AMZ1: variants seen among roughly 807,000 people sequenced by gnomAD.
AMZ1 encodes archaemetzincin-1.
Under a neutral mutation model 29.9 loss-of-function variants are expected in AMZ1, and 39 were observed. The ratio of observed to expected loss-of-function variants is 1.30; its 90% CI spans 1.01 to 1.70. The LOEUF (loss-of-function observed/expected upper bound fraction) is 1.70. Among genes scored for constraint, AMZ1 ranks in the 40% most tolerant of loss-of-function variants. The pLI is 0.00. For missense variants in AMZ1, 1,041 were observed against 680.6 expected, an observed-to-expected ratio of 1.53 and a Z score of -5.89; for synonymous variants, 458 against 304.0, an observed-to-expected ratio of 1.51 and a Z score of -5.27.
rs1055624930 is a variant in AMZ1 at position 2,691,500 on chromosome 7, C to T, written c.-219+3204C>T. Among the ~76,000 whole-genome samples, 5 of 148,054 alleles carry T rather than the reference C, an allele frequency of 3.4e-5. 1 individual carries two copies. Among genetic ancestry groups the T allele is most frequent in the African/African-American group, 1.1e-4 (4 of 38,014 alleles). ...GCTCACACATATAATCCCAGCACTT[C>T]GGGAGGCCGAGGCGGGTGGATCACA... On this transcript the variant is annotated intron_variant, in intron 1 of 6. Coordinates refer to ENST00000683327, the MANE Select transcript of AMZ1 (RefSeq NM_001384743.1).
intron 4 of AMZ1, 95 bp downstream of exon 4, chr7:2,708,811 A>C (rs1562371641): frequency 1.1e-5 from 17 of 1,575,518 alleles, no homozygotes; most frequent in Non-Finnish European, 1.4e-5. Flanking sequence ...TTTTGCTTCA[A>C]GCACCCTCCT....
intron 1 of AMZ1, among the ~76,000 whole-genome samples, chr7:2,681,291 T>A (rs1323987739): frequency 1.3e-5 from 2 of 152,156 alleles, no homozygotes; most frequent in Non-Finnish European, 2.9e-5. Flanking sequence ...GGTGCAATCA[T>A]GGCTCACTGC....
At chr7:2,755,357 T>A (rs1377926403) in intron 4 of AMZ1, among the ~76,000 whole-genome samples, 1 of 152,236 alleles carries the variant, frequency 6.6e-6, no homozygotes, top group Non-Finnish European at 1.5e-5. Context: ...AGAACAGACA[T>A]CTTGACAGCA....
chr7:2,697,047 T>TATGTACAAA, intron 1 of AMZ1, among the ~76,000 whole-genome samples: 2 of 152,328 alleles, frequency 1.3e-5, no homozygotes, highest in Middle Eastern at 6.8e-3. Context: ...AACACAGACT[T>TATGTACAAA]ATGTACAAAG....
chr7:2,750,674 G>C lies in AMZ1; in HGVS notation n.551-14038G>C, dbSNP rs142814224. Among the ~76,000 whole-genome samples, 630 of 152,308 alleles carry C rather than the reference G, an allele frequency of 4.1e-3. 3 individuals are homozygous for C. Among genetic ancestry groups the C allele is most frequent in the African/African-American group, 0.015 (603 of 41,576 alleles). On this transcript the variant is annotated intron_variant and non_coding_transcript_variant, in intron 4 of 4. Transcript: ENST00000489665. ...GTTGACTGCGGGTAACTGAAACCAT[G>C]GAAGGTGAAGCCACGGACACGGGGG... is the stretch of plus-strand genomic sequence containing the variant.
intron 4 of AMZ1, among the ~76,000 whole-genome samples, chr7:2,738,363 C>G (rs798517): frequency 2.0e-5 from 3 of 151,838 alleles, no homozygotes; most frequent in Non-Finnish European, 4.4e-5. Flanking sequence ...CTGCAGGAAA[C>G]GTCTAGTAGG....
chr7:2,708,748 G>GGGTA (rs766754850), intron 4 of AMZ1, 32 bp downstream of exon 4: 1 of 1,610,900 alleles, frequency 6.2e-7, no homozygotes, highest in Admixed American at 1.7e-5. Context: ...TGTGCGTGGG[G>GGGTA]GGTAGCCTGG....
At chr7:2,735,439 G>A (rs1031673163) in intron 4 of AMZ1, among the ~76,000 whole-genome samples, 3 of 149,550 alleles carry the variant, frequency 2.0e-5, no homozygotes, top group South Asian at 2.1e-4. Context: ...TATCACCACA[G>A]GACACAAAGC....
intron 6 of AMZ1, among the ~76,000 whole-genome samples, chr7:2,710,125 G>A (rs528829145): frequency 6.6e-6 from 1 of 152,344 alleles, no homozygotes; most frequent in East Asian, 1.9e-4. Context: ...GCCGGCGGGT[G>A]GCACGGTCTT....
chr7:2,703,970 G>C (rs554589872), intron 3 of AMZ1, among the ~76,000 whole-genome samples: 1 of 152,228 alleles, frequency 6.6e-6, no homozygotes, highest in African/African-American at 2.4e-5. Flanking sequence ...CTCATGGCAA[G>C]CTCTGCCTCC....
chr7:2,708,800 C>A (rs1788539748), intron 4 of AMZ1, 84 bp downstream of exon 4: 32 of 1,593,228 alleles, frequency 2.0e-5, no homozygotes, highest in Non-Finnish European at 2.6e-5. Context: ...ACCCTCTTTG[C>A]TTTTGCTTCA....
chr7:2,697,641 T>C (rs186673950), intron 1 of AMZ1, among the ~76,000 whole-genome samples: 591 of 152,170 alleles, frequency 3.9e-3, no homozygotes, highest in Non-Finnish European at 6.6e-3. Context: ...CCTGGGCTGG[T>C]CTTGAACTCC....
At chr7:2,740,699 AAC>A (rs1312733157) in intron 4 of AMZ1, among the ~76,000 whole-genome samples, 1 of 152,152 alleles carries the variant, frequency 6.6e-6, no homozygotes, top group Admixed American at 6.5e-5. Flanking sequence ...CTCATTCTTA[AAC>A]AGTTTCATAA....
chr7:2,764,046 G>A (rs530259743), upstream of AMZ1, among the ~76,000 whole-genome samples: 9 of 152,210 alleles, frequency 5.9e-5, no homozygotes, highest in Admixed American at 1.3e-4. Flanking sequence ...CTGCTGTGCT[G>A]GTGTCCTCTG....
intron 3 of AMZ1, among the ~76,000 whole-genome samples, chr7:2,705,692 G>T (rs1196469694): frequency 5.3e-5 from 8 of 152,202 alleles, no homozygotes. Context: ...TCCCCTGGCT[G>T]GGGTGGGGTG....
At chr7:2,727,579 T>A (rs999852097) in intron 4 of AMZ1, among the ~76,000 whole-genome samples, 1 of 151,956 alleles carries the variant, frequency 6.6e-6, no homozygotes, top group African/African-American at 2.4e-5. Context: ...GTGGCCTGGG[T>A]TGGTCTCAAA....
Position 2,718,825 on chromosome 7 carries a change from G to C in AMZ1, c.*5947G>C, listed in dbSNP as rs1298831806. ...CCTCTCCCTGTGCTCTGCCCACCTG[G>C]GGTAGGCCTCTGGGAACAGGGGAGT... On this transcript the variant is annotated 3_prime_UTR_variant, in exon 7 of 7. Coordinates refer to ENST00000683327, the MANE Select transcript of AMZ1 (RefSeq NM_001384743.1). Among the ~76,000 whole-genome samples, 1 of 152,156 alleles carries C rather than the reference G, an allele frequency of 6.6e-6. No homozygotes were observed. Among genetic ancestry groups the C allele is most frequent in the Non-Finnish European group, 1.5e-5 (1 of 68,034 alleles).
At chr7:2,704,013 C>T (rs937161129) in intron 3 of AMZ1, among the ~76,000 whole-genome samples, 32 of 152,298 alleles carry the variant, frequency 2.1e-4, no homozygotes, top group South Asian at 1.0e-3. Context: ...CTCAGCCTCC[C>T]GCGTAGCTGG....
At chr7:2,721,726 A>T (rs945214816), downstream of AMZ1, among the ~76,000 whole-genome samples, 6 of 152,008 alleles carry the variant, frequency 3.9e-5, no homozygotes, top group African/African-American at 1.4e-4. Context: ...AAAAAAAAAA[A>T]AAAAGATAGC....
Sources: gnomAD v4.1 joint callset for allele counts (sites outside exome capture counted in the v4.1 genomes callset) on GRCh38, gnomAD v4.1.1 for gene constraint, MANE v1.5 for transcripts, NCBI Gene and HGNC (gene_info 2026-07-23, HGNC 2026-07-21) for gene names.